Variants in MTHFD1 observed in about 807,000 individuals in gnomAD.
The protein encoded by MTHFD1 is C-1-tetrahydrofolate synthase, cytoplasmic.
In MTHFD1, 44 loss-of-function variants were observed where a neutral mutation model predicts 110.3. The ratio of observed to expected loss-of-function variants is 0.40; its 90% confidence interval spans 0.31 to 0.51. The LOEUF (loss-of-function observed/expected upper bound fraction) is 0.51, where lower values mean the gene tolerates loss of function less well. Ranked by LOEUF, MTHFD1 falls within the 20% of genes least tolerant of loss-of-function variation. The probability of loss-of-function intolerance (pLI) is 0.60; values close to 1 mark genes in which losing one functional copy is unlikely to be tolerated. For synonymous variants in MTHFD1, 402 were observed against 428.8 expected (o/e 0.94, Z 0.77); for missense variants, 909 against 1,173.1 (o/e 0.77, Z 3.29).
At chr14:64,425,663 G>A (rs950434642) in intron 9 of MTHFD1, 67 bp from the exon 10 acceptor site, 11 of 1,295,658 alleles carry the variant, frequency 8.5e-6, no homozygotes, top group African/African-American at 2.9e-5. Flanking sequence ...GTGACCTGGA[G>A]CTTGAAACTG....
chr14:64,425,265 T>G lies in MTHFD1; in HGVS notation c.855+334T>G, dbSNP rs1257955393. 5.5e-5 allele frequency among the ~76,000 whole-genome samples: 8 copies of G among 144,312 alleles called. No homozygotes were observed. The East Asian group carries it at 1.6e-3, about 29-fold the overall frequency. 94.7% of individuals were successfully genotyped at this position (144,312 alleles called of 152,430 possible). Reference sequence around the variant, plus strand: ...TTTGCTCTTGCTGCCCAGGCTGGAGTGCAATGGTGTGATCTTGGCTTACCG... The same window carrying G: ...TTTGCTCTTGCTGCCCAGGCTGGAGGGCAATGGTGTGATCTTGGCTTACCG... On this transcript the variant is annotated intron_variant, in intron 9 of 27. Coordinates refer to ENST00000652337, the MANE Select transcript of MTHFD1 (RefSeq NM_005956.4).
At chr14:64,421,623 A>T (rs930814058) in intron 8 of MTHFD1, among the ~76,000 whole-genome samples, 1 of 129,562 alleles carries the variant, frequency 7.7e-6, no homozygotes, top group Non-Finnish European at 1.7e-5. Context: ...TTATTTTTTT[A>T]ATTTTTTTTT....
chr14:64,451,549 C>G (rs960394798), intron 24 of MTHFD1, among the ~76,000 whole-genome samples: 5 of 152,336 alleles, frequency 3.3e-5, no homozygotes, highest in Admixed American at 2.0e-4. Flanking sequence ...TAGAAAAATG[C>G]CATAAACACA....
intron 21 of MTHFD1, among the ~76,000 whole-genome samples, chr14:64,443,586 T>A (rs1245699382): frequency 6.6e-6 from 1 of 152,222 alleles, no homozygotes; most frequent in African/African-American, 2.4e-5. Flanking sequence ...CGGAGCACAC[T>A]GGGAATGCTG....
chr14:64,438,952 A>G (rs944127376), intron 16 of MTHFD1, 144 bp from the exon 17 acceptor site: 254 of 712,548 alleles, frequency 3.6e-4, no homozygotes, highest in Non-Finnish European at 6.2e-4. Context: ...CTTAACTTTA[A>G]CACATATTCT....
intron 7 of MTHFD1, among the ~76,000 whole-genome samples, chr14:64,418,937 G>A (rs2078047967): frequency 6.6e-6 from 1 of 151,252 alleles, no homozygotes; most frequent in African/African-American, 2.4e-5. Flanking sequence ...GCCCACTGCA[G>A]CTTTGAACTC....
chr14:64,448,619 G>C, intron 23 of MTHFD1: 1 of 407,268 alleles, frequency 2.5e-6, no homozygotes. Context: ...GCTAACAGAA[G>C]GTCATAGGCC....
chr14:64,451,347 T>C (rs1475057124), intron 24 of MTHFD1, among the ~76,000 whole-genome samples: 3 of 152,244 alleles, frequency 2.0e-5, no homozygotes, highest in East Asian at 1.9e-4. Flanking sequence ...TAGATAATCA[T>C]AGACTTTCAA....
At chr14:64,420,139 G>A (rs938516115) in intron 8 of MTHFD1, among the ~76,000 whole-genome samples, 1 of 152,184 alleles carries the variant, frequency 6.6e-6, no homozygotes, top group African/African-American at 2.4e-5. Context: ...TTTTCATCAT[G>A]TGCTGTACAG....
chr14:64,441,736 G>C (rs1026407377), intron 19 of MTHFD1: 4 of 544,466 alleles, frequency 7.3e-6, no homozygotes, highest in African/African-American at 3.8e-5. Context: ...CTGGGAGGCA[G>C]AGCTTGCAGT....
chr14:64,412,822 G>C (rs973012882), intron 4 of MTHFD1, among the ~76,000 whole-genome samples: 1 of 151,656 alleles, frequency 6.6e-6, no homozygotes, highest in Non-Finnish European at 1.5e-5. Flanking sequence ...ATTTTTAATA[G>C]AGACGCGGTT....
intron 12 of MTHFD1, among the ~76,000 whole-genome samples, chr14:64,427,987 A>T (rs543157434): frequency 6.6e-6 from 1 of 152,184 alleles, no homozygotes; most frequent in African/African-American, 2.4e-5. Flanking sequence ...GGCTTGGTCA[A>T]AGGCACCTGT....
chr14:64,396,519 G>A (rs1275955908), intron 1 of MTHFD1, among the ~76,000 whole-genome samples: 2 of 148,630 alleles, frequency 1.3e-5, no homozygotes, highest in African/African-American at 2.5e-5. Context: ...AGCCTCCCGA[G>A]TAGCTGGGAT....
At chr14:64,394,095 AC>A (rs1306959451) in intron 1 of MTHFD1, among the ~76,000 whole-genome samples, 1 of 151,932 alleles carries the variant, frequency 6.6e-6, no homozygotes, top group Non-Finnish European at 1.5e-5. Context: ...TCTCCTTTGC[AC>A]CCCTTAATTG....
At chr14:64,454,652 C>A in intron 25 of MTHFD1, 71 bp from the exon 26 acceptor site, 1 of 1,263,248 alleles carries the variant, frequency 7.9e-7, no homozygotes, top group Non-Finnish European at 1.2e-6. Context: ...CATGTAATCA[C>A]AGGGCCCAGA....
At chr14:64,402,664 G>T (rs926255859) in intron 2 of MTHFD1, among the ~76,000 whole-genome samples, 3 of 152,028 alleles carry the variant, frequency 2.0e-5, no homozygotes, top group African/African-American at 7.3e-5. Flanking sequence ...ATTAAAAAAT[G>T]AGCCAGGAGT....
intron 1 of MTHFD1, among the ~76,000 whole-genome samples, chr14:64,399,656 C>CAAAA (rs34735594): frequency 2.7e-5 from 3 of 113,164 alleles, no homozygotes; most frequent in Admixed American, 8.7e-5. Flanking sequence ...GTCCCCATCT[C>CAAAA]AAAAAAAAAA....
chr14:64,424,582 A>G (rs769260946), intron 8 of MTHFD1, among the ~76,000 whole-genome samples: 3 of 152,234 alleles, frequency 2.0e-5, no homozygotes, highest in Non-Finnish European at 4.4e-5. Context: ...AGGATTCTCC[A>G]GGTTCTGTAA....
At chr14:64,411,583 C>G (rs1427783891) in intron 3 of MTHFD1, among the ~76,000 whole-genome samples, 1 of 152,146 alleles carries the variant, frequency 6.6e-6, no homozygotes, top group Non-Finnish European at 1.5e-5. Context: ...TTCTCTGGCT[C>G]AGTGAATCTG....
Sources: gnomAD v4.1 joint callset for allele counts (sites outside exome capture counted in the v4.1 genomes callset) on GRCh38, gnomAD v4.1.1 for gene constraint, MANE v1.5 for transcripts, NCBI Gene and HGNC (gene_info 2026-07-23, HGNC 2026-07-21) for gene names.